Variants in AHCYL2 observed in about 807,000 individuals in gnomAD.
AHCYL2 encodes adenosylhomocysteinase like 2.
In AHCYL2, 28 loss-of-function variants were observed where a neutral mutation model predicts 81.4. The observed-to-expected ratio is 0.34, with a 90% confidence interval of 0.25 to 0.47. The LOEUF is 0.47. Ranked by LOEUF, AHCYL2 falls within the 20% of genes least tolerant of loss-of-function variation. The pLI, the probability that AHCYL2 is intolerant of heterozygous loss-of-function variation, is 1.00. For synonymous variants in AHCYL2, 272 were observed against 290.2 expected (o/e 0.94, Z 0.64); for missense variants, 551 against 785.1 (o/e 0.70, Z 3.56).
At chr7:129,370,600 A>G (rs963024549) in intron 1 of AHCYL2, among the ~76,000 whole-genome samples, 3 of 152,220 alleles carry the variant, frequency 2.0e-5, no homozygotes, top group Non-Finnish European at 4.4e-5. Flanking sequence ...CTGGAGGCTG[A>G]GGCAGGAGAA....
intron 1 of AHCYL2, among the ~76,000 whole-genome samples, chr7:129,260,625 C>T (rs1795592499): frequency 6.6e-6 from 1 of 152,074 alleles, no homozygotes; most frequent in Admixed American, 6.5e-5. Context: ...TTATAATTCT[C>T]AGGGTGTTGC....
chr7:129,227,688 CT>C (rs1794279048), intron 1 of AHCYL2, among the ~76,000 whole-genome samples: 1 of 150,538 alleles, frequency 6.6e-6, no homozygotes, highest in Non-Finnish European at 1.5e-5. Context: ...TCTAGATGTG[CT>C]TCTTGACCAC....
intron 4 of AHCYL2, among the ~76,000 whole-genome samples, chr7:129,395,498 A>C (rs1795686190): frequency 6.6e-6 from 1 of 152,184 alleles, no homozygotes; most frequent in African/African-American, 2.4e-5. Flanking sequence ...CTGGAGAGGT[A>C]GCAGATCCTT....
chr7:129,325,788 C>T (rs1454074051), intron 1 of AHCYL2, among the ~76,000 whole-genome samples: 2 of 151,830 alleles, frequency 1.3e-5, no homozygotes, highest in Non-Finnish European at 2.9e-5. Flanking sequence ...GTTGTGCAAC[C>T]TCCACCTCCT....
chr7:129,424,698 T>C (rs934582327), intron 13 of AHCYL2, 176 bp from the exon 14 acceptor site: 29 of 630,598 alleles, frequency 4.6e-5, no homozygotes, highest in Non-Finnish European at 8.1e-5. Context: ...TCCAGAATTT[T>C]AGTGGTTTCA....
In AHCYL2 at chr7:129,225,194, G is replaced by C. The variant is rs776655372; in HGVS notation, c.118G>C (p.Ala40Pro). Residue 40 changes from alanine to proline, a missense_variant, in exon 1 of 17, where the codon GCC becomes CCC. Transcript: ENST00000325006. ...QLGLSTAAVG[A>P]MAPPAGGGDP... ...AGGACTGAGCACGGCCGCCGTGGGC[G>C]CCATGGCCCCCCCGGCGGGCGGTGG... 1 of 1,562,890 alleles carries C rather than the reference G, an allele frequency of 6.4e-7. No individual in the cohort carries two copies. Among genetic ancestry groups the C allele is most frequent in the African/African-American group, 1.4e-5 (1 of 72,064 alleles).
intron 1 of AHCYL2, chr7:129,377,430 T>C (rs1584850748): frequency 9.8e-6 from 4 of 408,446 alleles, no homozygotes; most frequent in Middle Eastern, 3.5e-4. Flanking sequence ...TTTGTTGTTA[T>C]AGCTATGAAA....
At chr7:129,287,904 C>G (rs1264446814) in intron 1 of AHCYL2, among the ~76,000 whole-genome samples, 1 of 152,152 alleles carries the variant, frequency 6.6e-6, no homozygotes, top group East Asian at 1.9e-4. Context: ...CACATATAGC[C>G]CTGTCCACAC....
At chr7:129,415,397 A>G (rs1313881918) in intron 12 of AHCYL2, among the ~76,000 whole-genome samples, 1 of 152,176 alleles carries the variant, frequency 6.6e-6, no homozygotes, top group East Asian at 1.9e-4. Flanking sequence ...GCAGTGATGT[A>G]CCTTTTGTAT....
chr7:129,244,238 A>G (rs1794970728), intron 1 of AHCYL2, among the ~76,000 whole-genome samples: 1 of 150,660 alleles, frequency 6.6e-6, no homozygotes, highest in Admixed American at 6.6e-5. Context: ...TCCTGGGCTC[A>G]AGCAATCCTT....
intron 1 of AHCYL2, among the ~76,000 whole-genome samples, chr7:129,331,738 A>T (rs1272935835): frequency 6.6e-6 from 1 of 151,504 alleles, no homozygotes; most frequent in Non-Finnish European, 1.5e-5. Flanking sequence ...GCTACTCTGG[A>T]GGCTGAGGCA....
At chr7:129,414,425 T>TTTC (rs1289709157) in intron 12 of AHCYL2, among the ~76,000 whole-genome samples, 1 of 146,890 alleles carries the variant, frequency 6.8e-6, no homozygotes, top group Non-Finnish European at 1.5e-5. Context: ...TGTTTCTTTT[T>TTTC]TTTTTTTTTT....
At chr7:129,409,975 G>A (rs960756086) in intron 11 of AHCYL2, 2 of 614,700 alleles carry the variant, frequency 3.3e-6, no homozygotes, top group Non-Finnish European at 5.6e-6. Context: ...TGAAGCATCA[G>A]TAATCTCATG....
intron 1 of AHCYL2, among the ~76,000 whole-genome samples, chr7:129,309,161 G>A (rs1331526401): frequency 1.3e-5 from 2 of 152,160 alleles, no homozygotes; most frequent in Non-Finnish European, 2.9e-5. Flanking sequence ...GAACCCAGGA[G>A]GTGGAGGTTG....
chr7:129,296,172 C>G (rs912127286), intron 1 of AHCYL2, among the ~76,000 whole-genome samples: 1 of 151,984 alleles, frequency 6.6e-6, no homozygotes, highest in Non-Finnish European at 1.5e-5. Context: ...ATGATAGTTA[C>G]TTAAAATTCT....
chr7:129,363,217 A>G (rs1002888192), intron 1 of AHCYL2, among the ~76,000 whole-genome samples: 2 of 152,142 alleles, frequency 1.3e-5, no homozygotes, highest in African/African-American at 4.8e-5. Context: ...TAAGGGTAAT[A>G]TAATCATATG....
intron 12 of AHCYL2, among the ~76,000 whole-genome samples, chr7:129,420,126 G>T (rs1201013006): frequency 6.6e-6 from 1 of 152,182 alleles, no homozygotes; most frequent in South Asian, 2.1e-4. Flanking sequence ...AGCCATTCCA[G>T]TGCTTTAGTA....
At chr7:129,391,379 G>A (rs996160275) in intron 4 of AHCYL2, among the ~76,000 whole-genome samples, 1 of 152,220 alleles carries the variant, frequency 6.6e-6, no homozygotes, top group African/African-American at 2.4e-5. Flanking sequence ...TCAGATAATT[G>A]TAGATAGGTT....
chr7:129,299,212 A>G (rs1004430388), intron 1 of AHCYL2, among the ~76,000 whole-genome samples: 1 of 150,206 alleles, frequency 6.7e-6, no homozygotes, highest in African/African-American at 2.4e-5. Flanking sequence ...CTGTGATCCC[A>G]TGGGAAGATC....
Sources: gnomAD v4.1 joint callset for allele counts (sites outside exome capture counted in the v4.1 genomes callset) on GRCh38, gnomAD v4.1.1 for gene constraint, MANE v1.5 for transcripts, NCBI Gene and HGNC (gene_info 2026-07-23, HGNC 2026-07-21) for gene names.